The following NLRC5 variants were observed in gnomAD, a reference collection of about 807,000 sequenced individuals.
NLRC5 encodes NLR family CARD domain containing 5.
NLRC5 carries 114 observed loss-of-function variants against 206.9 expected under a neutral mutation model. The ratio of observed to expected loss-of-function variants is 0.55; its 90% CI spans 0.47 to 0.64. The LOEUF (loss-of-function observed/expected upper bound fraction) is 0.64, where lower values mean the gene tolerates loss of function less well. NLRC5 is among the 30% of genes least tolerant of loss of function. The pLI is 0.00. For missense variants in NLRC5, 2,008 were observed against 2,305.5 expected, an observed-to-expected ratio of 0.87 and a Z score of 2.64; for synonymous variants, 952 against 962.8, an observed-to-expected ratio of 0.99 and a Z score of 0.21.
At chr16:57,000,314 T>C (rs2058098584) in intron 1 of NLRC5, among the ~76,000 whole-genome samples, 1 of 151,894 alleles carries the variant, frequency 6.6e-6, no homozygotes, top group Admixed American at 6.5e-5. Flanking sequence ...GCTTGGGGGC[T>C]CTTGGTGGAA....
chr16:57,040,772 G>C, intron 17 of NLRC5, 54 bp downstream of exon 17: 1 of 1,547,768 alleles, frequency 6.5e-7, no homozygotes, highest in Non-Finnish European at 8.9e-7. Context: ...CCCTTCCCCT[G>C]CTCAGAGCCT....
intron 24 of NLRC5, 73 bp from the exon 25 acceptor site, chr16:57,054,678 C>G (rs1001287494): frequency 1.9e-6 from 2 of 1,060,356 alleles, no homozygotes; most frequent in East Asian, 4.9e-5. Flanking sequence ...CCCACCCTCC[C>G]TTTCCTTACC....
intron 35 of NLRC5, 106 bp downstream of exon 35, chr16:57,067,576 A>T: frequency 1.4e-6 from 2 of 1,397,574 alleles, no homozygotes; most frequent in Non-Finnish European, 2.0e-6. Context: ...TGTGCAGGAG[A>T]AAATCACACT....
intron 4 of NLRC5, among the ~76,000 whole-genome samples, chr16:57,022,686 T>G (rs2060808804): frequency 6.6e-6 from 1 of 152,202 alleles, no homozygotes; most frequent in African/African-American, 2.4e-5. Context: ...CTTGTACACC[T>G]TGGACTTGAC....
At chr16:57,046,362 A>T (rs1009710189) in intron 21 of NLRC5, among the ~76,000 whole-genome samples, 190 bp from the exon 22 acceptor site, 1 of 152,142 alleles carries the variant, frequency 6.6e-6, no homozygotes, top group South Asian at 2.1e-4. Context: ...ACAATGAGGG[A>T]CTGAGCTAGG....
chr16:57,073,698 A>G (rs1597449329), intron 38 of NLRC5, among the ~76,000 whole-genome samples: 1 of 151,820 alleles, frequency 6.6e-6, no homozygotes, highest in South Asian at 2.1e-4. Flanking sequence ...GGTTCAAGCA[A>G]CCCTCCTGCC....
chr16:57,073,357 C>G (rs1366763003), intron 38 of NLRC5, among the ~76,000 whole-genome samples: 4 of 152,188 alleles, frequency 2.6e-5, no homozygotes, highest in Admixed American at 1.3e-4. Context: ...TCCCCACAGG[C>G]AGTTACCCTC....
chr16:57,054,417 A>C (rs544252913), intron 24 of NLRC5, among the ~76,000 whole-genome samples: 2 of 152,336 alleles, frequency 1.3e-5, no homozygotes, highest in East Asian at 3.9e-4. Context: ...AACAGCAAGC[A>C]CAGGTCCCAT....
intron 1 of NLRC5, among the ~76,000 whole-genome samples, chr16:57,003,215 A>AT (rs566904640): frequency 8.6e-5 from 13 of 151,710 alleles, no homozygotes; most frequent in African/African-American, 2.7e-4. Context: ...CGCCTGGCTA[A>AT]TTTTTTTTAT....
intron 5 of NLRC5, among the ~76,000 whole-genome samples, chr16:57,024,729 GCTGGGCGCGGTGGCTCACAC>G (rs2061082083): frequency 1.3e-5 from 2 of 152,220 alleles, no homozygotes; most frequent in South Asian, 4.1e-4. Context: ...TTGCAAAGTA[GCTGGGCGCGGTGGCTCACAC>G]CTGTAATCCC....
chr16:57,024,363 C>T (rs532200199), intron 5 of NLRC5, among the ~76,000 whole-genome samples: 11 of 152,316 alleles, frequency 7.2e-5, no homozygotes, highest in South Asian at 6.2e-4. Flanking sequence ...GAATGGTCCT[C>T]GTTCTCCACG....
intron 23 of NLRC5, chr16:57,047,829 C>T: frequency 3.3e-6 from 2 of 601,520 alleles, no homozygotes; most frequent in Non-Finnish European, 6.0e-6. Flanking sequence ...ATGTCTCCCA[C>T]TGGGAGATGC....
intron 19 of NLRC5, 42 bp downstream of exon 19, chr16:57,042,107 G>C (rs759212122): frequency 4.5e-5 from 59 of 1,308,574 alleles, no homozygotes; most frequent in East Asian, 5.3e-5. Flanking sequence ...CTGGGGCAGG[G>C]GGGGAGCATT....
intron 1 of NLRC5, among the ~76,000 whole-genome samples, chr16:57,002,246 C>A (rs370060918): frequency 2.0e-5 from 3 of 152,208 alleles, no homozygotes; most frequent in East Asian, 3.9e-4. Context: ...TTCCCAGGTT[C>A]AAGCAATTCT....
chr16:57,054,787 C>T lies in NLRC5; in HGVS notation c.3543C>T (p.Phe1181=), dbSNP rs938470390. ...CGGGACTGTCCCCGAAAAGCCCCTT[C>T]CTGCTGGCCAACACCTTAAGCCTGT... is the stretch of plus-strand genomic sequence containing the variant. ...SQTGLSPKSP[F]LLANTLSLCP... Residue 1181 remains phenylalanine (F), a synonymous_variant, in exon 25 of 49, where the codon TTC becomes TTT. Coordinates refer to ENST00000688547, the MANE Select transcript of NLRC5 (RefSeq NM_001384950.1). The T allele has an allele frequency of 6.2e-7, 1 of 1,614,178 alleles. No individual in the cohort carries two copies. The highest frequency in any genetic ancestry group is 8.5e-7 in the Non-Finnish European group (1 of 1,180,022).
At chr16:57,051,188 G>A (rs377206303) in intron 23 of NLRC5, among the ~76,000 whole-genome samples, 12 of 152,194 alleles carry the variant, frequency 7.9e-5, no homozygotes, top group African/African-American at 2.4e-4. Flanking sequence ...CATGTTTTGC[G>A]GAACACTAAC....
In NLRC5 at chr16:57,026,226, C is replaced by G; in HGVS notation, c.1283C>G (p.Ser428Cys). The G allele has an allele frequency of 1.2e-6, 2 of 1,613,782 alleles. No individual in the cohort carries two copies. The highest frequency in any genetic ancestry group is 4.5e-5 in the East Asian group (2 of 44,888). The change falls in exon 6 of 49, where the codon TCT (serine) becomes TGT (cysteine). Residue 428 changes from serine (S) to cysteine (C), a missense_variant. Physicochemically the swap from Ser to Cys is moderately radical, Grantham distance 112. Coordinates refer to ENST00000688547, the MANE Select transcript of NLRC5 (RefSeq NM_001384950.1). Reference sequence around the variant, plus strand: ...CTTCCTGACCACGCCCCAGGCCAGTCTGTGGCCCTCCTGCCCAACATGACT... The same window carrying G: ...CTTCCTGACCACGCCCCAGGCCAGTGTGTGGCCCTCCTGCCCAACATGACT... ...HLLPDHAPGQ[S>C]VALLPNMTQL...
At chr16:57,045,964 G>C (rs775237274) in intron 21 of NLRC5, among the ~76,000 whole-genome samples, 1 of 152,220 alleles carries the variant, frequency 6.6e-6, no homozygotes, top group African/African-American at 2.4e-5. Context: ...TGATGTTCCC[G>C]GCTGCCCTCT....
chr16:57,059,083 A>G, intron 29 of NLRC5, 22 bp downstream of exon 29: 1 of 1,613,598 alleles, frequency 6.2e-7, no homozygotes, highest in Non-Finnish European at 8.5e-7. Flanking sequence ...TTGGTCCCCG[A>G]AAAGCCCCTT....
Sources: allele counts gnomAD v4.1 joint callset (sites outside exome capture counted in the v4.1 genomes callset), GRCh38; gene constraint gnomAD v4.1.1; transcripts MANE v1.5; gene names NCBI Gene and HGNC (gene_info 2026-07-23, HGNC 2026-07-21).